The following COP1 variants were observed in gnomAD, a reference collection of about 807,000 sequenced individuals.
COP1 encodes the protein E3 ubiquitin-protein ligase COP1.
A neutral mutation model predicts 101.3 loss-of-function variants in COP1; 24 were observed. The observed-to-expected ratio is 0.24, with a 90% CI of 0.17 to 0.33. COP1 has a LOEUF of 0.33. COP1 is among the 10% of genes least tolerant of loss of function. COP1 has a pLI of 1.00. For synonymous variants in COP1, 347 were observed against 341.9 expected (o/e 1.01, Z -0.17); for missense variants, 663 against 906.2 (o/e 0.73, Z 3.45).
chr1:175,982,868 T>G (rs1486767181), intron 18 of COP1, among the ~76,000 whole-genome samples: 1 of 151,902 alleles, frequency 6.6e-6, no homozygotes, highest in Non-Finnish European at 1.5e-5. Context: ...TTACCAGAGG[T>G]GGGGGATGGG....
chr1:176,124,043 C>T (rs529402435), intron 8 of COP1, among the ~76,000 whole-genome samples: 29 of 152,256 alleles, frequency 1.9e-4, no homozygotes, highest in Admixed American at 9.8e-4. Flanking sequence ...CTTCTTCACA[C>T]CTCAGATTTC....
intron 11 of COP1, among the ~76,000 whole-genome samples, chr1:176,069,328 A>T (rs1335223237): frequency 1.3e-5 from 2 of 152,228 alleles, no homozygotes; most frequent in Non-Finnish European, 2.9e-5. Context: ...AATCTTAGGA[A>T]TTCATTAAAG....
chr1:175,994,969 T>C (rs922512829), intron 15 of COP1, among the ~76,000 whole-genome samples: 24 of 152,154 alleles, frequency 1.6e-4, no homozygotes, highest in African/African-American at 5.6e-4. Context: ...ACAACACCTA[T>C]TCCAAAATTG....
intron 18 of COP1, among the ~76,000 whole-genome samples, chr1:175,955,125 T>C (rs1253495058): frequency 6.6e-6 from 1 of 151,978 alleles, no homozygotes; most frequent in African/African-American, 2.4e-5. Flanking sequence ...CATGCACCTG[T>C]AGTCCCAGCT....
chr1:176,045,229 T>A (rs1647520956), intron 12 of COP1, among the ~76,000 whole-genome samples: 1 of 152,182 alleles, frequency 6.6e-6, no homozygotes, highest in South Asian at 2.1e-4. Flanking sequence ...ATGCCTGATA[T>A]ATAAGAATTC....
chr1:176,118,306 C>T (rs1366806728), intron 8 of COP1, among the ~76,000 whole-genome samples: 1 of 151,818 alleles, frequency 6.6e-6, no homozygotes, highest in Non-Finnish European at 1.5e-5. Flanking sequence ...TAAAACTTCA[C>T]ATTTTCAAAA....
intron 15 of COP1, chr1:176,017,676 CA>C (rs1665910408): frequency 1.3e-5 from 2 of 152,208 alleles, no homozygotes; most frequent in Non-Finnish European, 2.9e-5. Context: ...AGGCATGCGC[CA>C]CCACACCTGG....
chr1:176,189,602 AAGC>A (rs1698882834), intron 1 of COP1, among the ~76,000 whole-genome samples: 1 of 152,000 alleles, frequency 6.6e-6, no homozygotes, highest in South Asian at 2.1e-4. Context: ...TAAATCCTGC[AAGC>A]AGAAGGAATA....
intron 15 of COP1, among the ~76,000 whole-genome samples, chr1:175,998,911 G>T (rs756566680): frequency 6.6e-6 from 1 of 152,068 alleles, no homozygotes; most frequent in Non-Finnish European, 1.5e-5. Flanking sequence ...TGATTTATCA[G>T]ATTACATGGC....
chr1:176,103,007 AT>A (rs1181498697), intron 9 of COP1, among the ~76,000 whole-genome samples: 1 of 152,196 alleles, frequency 6.6e-6, no homozygotes, highest in African/African-American at 2.4e-5. Context: ...GGGGAGACTG[AT>A]TTGAGTAATA....
At chr1:175,991,653 A>G (rs1658497484) in intron 15 of COP1, among the ~76,000 whole-genome samples, 1 of 152,248 alleles carries the variant, frequency 6.6e-6, no homozygotes. Context: ...TAAAACACAT[A>G]CATTGTACAG....
intron 11 of COP1, among the ~76,000 whole-genome samples, chr1:176,076,961 T>C (rs1022754000): frequency 1.3e-5 from 2 of 152,086 alleles, no homozygotes; most frequent in Non-Finnish European, 2.9e-5. Context: ...AGTTCAGAAA[T>C]TGAATCAGTA....
Position 176,083,507 on chromosome 1 carries a change from T to C in COP1, c.1142-2220A>G, listed in dbSNP as rs138976538. Among the ~76,000 whole-genome samples, 19 of 152,340 alleles carry C rather than the reference T, an allele frequency of 1.2e-4. No individual in the cohort carries two copies. In the East Asian group the frequency reaches 3.7e-3, roughly 29 times the overall value. On this transcript the variant is annotated intron_variant, in intron 10 of 19. Coordinates refer to ENST00000367669, the MANE Select transcript of COP1 (RefSeq NM_022457.7). ...GGTAGAATTTTGTTTGCGTGGTGTT[T>C]TATCATCAACATCCACACATATCTG... is the stretch of plus-strand genomic sequence containing the variant.
chr1:176,097,236 A>G (rs951728839), intron 9 of COP1, among the ~76,000 whole-genome samples: 1 of 152,138 alleles, frequency 6.6e-6, no homozygotes, highest in Non-Finnish European at 1.5e-5. Context: ...TGAAAAAAAA[A>G]CGACTGAATT....
intron 5 of COP1, among the ~76,000 whole-genome samples, chr1:176,150,808 G>A (rs1266914456): frequency 3.3e-5 from 5 of 152,148 alleles, no homozygotes; most frequent in Non-Finnish European, 7.4e-5. Flanking sequence ...AAATGTCAAT[G>A]TAAAAGGAAA....
At chr1:176,011,950 G>C (rs924048608) in intron 15 of COP1, among the ~76,000 whole-genome samples, 1 of 152,018 alleles carries the variant, frequency 6.6e-6, no homozygotes. Context: ...TGTGTTACTG[G>C]CTTATGTATT....
In COP1 at chr1:175,979,817, C is replaced by T. The variant is rs77784162; in HGVS notation, c.2133+7126G>A. Among the ~76,000 whole-genome samples the T allele has an allele frequency of 7.8e-3, 1,182 of 152,066 alleles. 7 individuals are homozygous for T. Among genetic ancestry groups the T allele is most frequent in the Non-Finnish European group, 0.013 (910 of 67,938 alleles). ...GCCTATTAGATATTAGAAGTATCTC[C>T]CAACTCCACTTCAGCATTTCTTTGA... On this transcript the variant is annotated intron_variant, in intron 18 of 19. Coordinates refer to ENST00000367669, the MANE Select transcript of COP1 (RefSeq NM_022457.7).
chr1:176,057,260 T>C (rs1030545988), intron 11 of COP1, among the ~76,000 whole-genome samples: 1 of 152,116 alleles, frequency 6.6e-6, no homozygotes, highest in African/African-American at 2.4e-5. Flanking sequence ...GTGATATGCT[T>C]TGCTATAATA....
At chr1:176,176,983 G>T (rs917491460) in intron 2 of COP1, among the ~76,000 whole-genome samples, 4 of 152,016 alleles carry the variant, frequency 2.6e-5, no homozygotes, top group African/African-American at 9.7e-5. Flanking sequence ...TTTACTTCTA[G>T]GAATTTATCC....
Sources: gnomAD v4.1 joint callset for allele counts (sites outside exome capture counted in the v4.1 genomes callset) on GRCh38, gnomAD v4.1.1 for gene constraint, MANE v1.5 for transcripts, NCBI Gene and HGNC (gene_info 2026-07-23, HGNC 2026-07-21) for gene names.